PTPRO: variants seen among roughly 807,000 people sequenced by gnomAD.
PTPRO encodes protein tyrosine phosphatase receptor type O, also known as receptor-type tyrosine-protein phosphatase O.
A neutral mutation model predicts 145.2 loss-of-function variants in PTPRO; 62 were observed. The ratio of observed to expected loss-of-function variants is 0.43; its 90% CI spans 0.35 to 0.53. PTPRO has a LOEUF of 0.53. Ranked by LOEUF, PTPRO falls within the 20% of genes least tolerant of loss-of-function variation. The probability of loss-of-function intolerance (pLI) is 0.01; values close to 1 mark genes in which losing one functional copy is unlikely to be tolerated. For missense variants in PTPRO, 1,345 were observed against 1,482.7 expected, an observed-to-expected ratio of 0.91 and a Z score of 1.53; for synonymous variants, 565 against 514.7, an observed-to-expected ratio of 1.10 and a Z score of -1.32.
At chr12:15,546,800 A>G (rs1591712937) in intron 13 of PTPRO, 92 bp downstream of exon 13, 1 of 1,536,194 alleles carries the variant, frequency 6.5e-7, no homozygotes, top group Admixed American at 1.7e-5. Context: ...TTTGAGCTAT[A>G]TAAAATGAAA....
intron 1 of PTPRO, among the ~76,000 whole-genome samples, chr12:15,407,447 A>G (rs1226118153): frequency 6.6e-6 from 1 of 152,196 alleles, no homozygotes; most frequent in Non-Finnish European, 1.5e-5. Context: ...AGACACTTCA[A>G]AATATTAGTC....
At chr12:15,400,386 A>G (rs1939458582) in intron 1 of PTPRO, among the ~76,000 whole-genome samples, 2 of 152,138 alleles carry the variant, frequency 1.3e-5, no homozygotes, top group Admixed American at 1.3e-4. Flanking sequence ...TGCACCTTGT[A>G]CCGCTGTGCC....
intron 1 of PTPRO, among the ~76,000 whole-genome samples, chr12:15,441,189 A>G (rs1326902618): frequency 6.6e-6 from 1 of 152,258 alleles, no homozygotes; most frequent in South Asian, 2.1e-4. Context: ...ATAGAAATCA[A>G]TACCAAGAAA....
chr12:15,359,369 T>C (rs1186459590), intron 1 of PTPRO, among the ~76,000 whole-genome samples: 1 of 151,782 alleles, frequency 6.6e-6, no homozygotes, highest in Non-Finnish European at 1.5e-5. Context: ...CATTTTCAGA[T>C]ATTATAAAGG....
At chr12:15,548,387 T>A (rs763793745) in intron 13 of PTPRO, among the ~76,000 whole-genome samples, 28 of 152,172 alleles carry the variant, frequency 1.8e-4, no homozygotes, top group Non-Finnish European at 3.4e-4. Context: ...GCTTTCAAAA[T>A]TTTAAATGTA....
chr12:15,528,393 C>G (rs1342816114), intron 12 of PTPRO, among the ~76,000 whole-genome samples: 1 of 149,988 alleles, frequency 6.7e-6, no homozygotes, highest in East Asian at 2.0e-4. Context: ...AGCATGGTGG[C>G]GGGTGCCTGT....
At chr12:15,572,862 T>C (rs1227683271) in intron 19 of PTPRO, among the ~76,000 whole-genome samples, 1 of 152,192 alleles carries the variant, frequency 6.6e-6, no homozygotes, top group African/African-American at 2.4e-5. Context: ...TTGGTTGTTA[T>C]AATAGCTTAG....
chr12:15,551,402 G>T (rs551922092), intron 14 of PTPRO, 149 bp from the exon 15 acceptor site: 10 of 1,012,238 alleles, frequency 9.9e-6, no homozygotes, highest in Middle Eastern at 2.3e-4. Context: ...CCAGGAAGAG[G>T]TCATTGCTGG....
At chr12:15,368,700 AT>A (rs1209303366) in intron 1 of PTPRO, among the ~76,000 whole-genome samples, 6 of 152,316 alleles carry the variant, frequency 3.9e-5, no homozygotes, top group African/African-American at 1.4e-4. Context: ...CAAACTGTTT[AT>A]TCTCTGCCCA....
At chr12:15,530,510 A>G (rs1006435549) in intron 12 of PTPRO, among the ~76,000 whole-genome samples, 1 of 152,184 alleles carries the variant, frequency 6.6e-6, no homozygotes, top group East Asian at 1.9e-4. Flanking sequence ...CAAAAAGTAC[A>G]TATCATATCA....
At chr12:15,356,004 T>C (rs1185752224) in intron 1 of PTPRO, among the ~76,000 whole-genome samples, 1 of 152,182 alleles carries the variant, frequency 6.6e-6, no homozygotes, top group Admixed American at 6.5e-5. Context: ...CAGGCGTAAG[T>C]TGTGACTGGA....
chr12:15,391,969 C>A (rs1229784457), intron 1 of PTPRO, among the ~76,000 whole-genome samples: 2 of 152,174 alleles, frequency 1.3e-5, no homozygotes, highest in Admixed American at 6.5e-5. Context: ...TCCAAGAGAA[C>A]AGCAACCCAA....
intron 1 of PTPRO, among the ~76,000 whole-genome samples, chr12:15,422,824 G>A (rs566905696): frequency 6.6e-6 from 1 of 152,270 alleles, no homozygotes; most frequent in Non-Finnish European, 1.5e-5. Context: ...GAAGCACAAA[G>A]CACTGAGTAC....
At chr12:15,382,170 A>ATATG (rs1397030945) in intron 1 of PTPRO, among the ~76,000 whole-genome samples, 1 of 148,470 alleles carries the variant, frequency 6.7e-6, no homozygotes, top group African/African-American at 2.5e-5. Flanking sequence ...ATATATATAT[A>ATATG]TATATATTTA....
chr12:15,353,247 A>G (rs1314752579), intron 1 of PTPRO, among the ~76,000 whole-genome samples: 1 of 152,126 alleles, frequency 6.6e-6, no homozygotes, highest in African/African-American at 2.4e-5. Flanking sequence ...ACGTAAGAGG[A>G]CTTCAAAAAG....
chr12:15,504,542 C>A (rs1942283095), intron 6 of PTPRO, among the ~76,000 whole-genome samples: 1 of 152,176 alleles, frequency 6.6e-6, no homozygotes, highest in Non-Finnish European at 1.5e-5. Flanking sequence ...ATAGCTAGAG[C>A]AACCTGAAAG....
intron 10 of PTPRO, among the ~76,000 whole-genome samples, chr12:15,522,247 C>CT (rs10712852): frequency 8.9e-4 from 128 of 143,604 alleles, no homozygotes; most frequent in Middle Eastern, 3.7e-3. Context: ...TTTTAACCTT[C>CT]TTTTTTTTTT....
At chr12:15,534,756 A>C (rs566891541) in intron 12 of PTPRO, among the ~76,000 whole-genome samples, 7 of 152,286 alleles carry the variant, frequency 4.6e-5, no homozygotes, top group African/African-American at 1.7e-4. Flanking sequence ...CCATTTAGAG[A>C]ACTTAAAATA....
chr12:15,549,258 A>C (rs1565420234), intron 14 of PTPRO, 32 bp downstream of exon 14: 1 of 1,514,240 alleles, frequency 6.6e-7, no homozygotes, highest in Admixed American at 2.0e-5. Flanking sequence ...TAATTTTCTC[A>C]CTTTTTTTGA....
Sources: gnomAD v4.1 joint callset for allele counts (sites outside exome capture counted in the v4.1 genomes callset) on GRCh38, gnomAD v4.1.1 for gene constraint, MANE v1.5 for transcripts, NCBI Gene and HGNC (gene_info 2026-07-23, HGNC 2026-07-21) for gene names.